OTX2: variants seen among roughly 807,000 people sequenced by gnomAD.
OTX2 encodes homeobox protein OTX2.
OTX2 carries 4 observed loss-of-function variants against 29.0 expected under a neutral mutation model. The observed-to-expected ratio is 0.14, with a 90% CI of 0.07 to 0.32. The LOEUF (loss-of-function observed/expected upper bound fraction) is 0.32. Among genes scored for constraint, OTX2 ranks in the 10% least tolerant of loss-of-function variants. The pLI, the probability that OTX2 is intolerant of heterozygous loss-of-function variation, is 1.00. For missense variants in OTX2, 298 were observed against 365.9 expected, an observed-to-expected ratio of 0.81 and a Z score of 1.51; for synonymous variants, 134 against 141.0, an observed-to-expected ratio of 0.95 and a Z score of 0.35.
In OTX2 at chr14:56,802,034, C is replaced by T; in HGVS notation, c.595G>A (p.Gly199Ser). 1.2e-6 allele frequency: 2 copies of T among 1,614,130 alleles called. No individual in the cohort carries two copies. The highest frequency in any genetic ancestry group is 1.7e-6 in the Non-Finnish European group (2 of 1,180,016). Residue 199 changes from glycine (G) to serine (S), a missense_variant, in exon 5 of 5, where the codon GGC becomes AGC. Coordinates refer to ENST00000672264, the MANE Select transcript of OTX2 (RefSeq NM_021728.4). This position sits in a 1 kb window ranked among gnomAD's most constrained non-coding sequence, Gnocchi z 4.4. ...QASGYSQGYAGSTSYFGGMDC... is the reference protein window; with the variant it reads ...QASGYSQGYASSTSYFGGMDC... ...ATGCCCCCAAAGTAGGAAGTTGAGC[C>T]AGCATATCCTTGACTATAACCTGAA...
intron 2 of OTX2, among the ~76,000 whole-genome samples, chr14:56,805,914 A>G (rs1270309519): frequency 6.6e-6 from 1 of 151,702 alleles, no homozygotes; most frequent in Non-Finnish European, 1.5e-5. Flanking sequence ...CTATCCCTAC[A>G]TTTGCATAGG....
In OTX2 at chr14:56,810,242, T is replaced by C. The variant is rs1355027027; in HGVS notation, c.-183-20A>G. On this transcript the variant is annotated intron_variant, in intron 1 of 4. Transcript: ENST00000672264. ...GCTATCCTAAAAGAAATCAAGAGTA[T>C]TGAGTTAGAAACCTTGCAGTCTTCA... is the stretch of plus-strand genomic sequence containing the variant. The C allele has an allele frequency of 6.6e-6, 1 of 152,166 alleles. No individual in the cohort carries two copies. Among genetic ancestry groups the C allele is most frequent in the Non-Finnish European group, 1.5e-5 (1 of 68,036 alleles). 9.4% of individuals were successfully genotyped at this position (152,166 alleles called of 1,614,324 possible). A position where few individuals can be genotyped will look rare whatever the true frequency, so the allele number is the denominator to read the frequency against.
At chr14:56,807,801 C>G (rs1123285) in intron 2 of OTX2, among the ~76,000 whole-genome samples, 59,425 of 152,114 alleles carry the variant, frequency 0.39, 12,052 homozygotes, top group Admixed American at 0.53. Flanking sequence ...GGGTCCAGAA[C>G]GGGGAAAAGA....
At chr14:56,807,431 T>G (rs138288362) in intron 2 of OTX2, among the ~76,000 whole-genome samples, 133 of 152,232 alleles carry the variant, frequency 8.7e-4, no homozygotes, top group African/African-American at 3.1e-3. Context: ...TAAAATCATA[T>G]CAGATGTACC....
At chr14:56,806,075 C>T (rs1445416559) in intron 2 of OTX2, among the ~76,000 whole-genome samples, 2 of 152,150 alleles carry the variant, frequency 1.3e-5, no homozygotes, top group Non-Finnish European at 2.9e-5. Context: ...TACCTCTCCC[C>T]AGACTGTTGC....
chr14:56,805,537 G>A lies in OTX2; in HGVS notation c.-81C>T, dbSNP rs1892058089. 5 of 842,826 alleles carry A rather than the reference G, an allele frequency of 5.9e-6. No individual in the cohort carries two copies. The Admixed American group carries it at 9.6e-5, about 16-fold the overall frequency. 52.2% of individuals were successfully genotyped at this position (842,826 alleles called of 1,614,324 possible). A position where few individuals can be genotyped will look rare whatever the true frequency, so the allele number is the denominator to read the frequency against. On this transcript the variant is annotated 5_prime_UTR_variant, in exon 3 of 5. Coordinates refer to ENST00000672264, the MANE Select transcript of OTX2 (RefSeq NM_021728.4). ...GATCTTGATGCGCCCGGGGTGGACA[G>A]GTTCAGAGTCCTTGGTGGGTGGGTT...
chr14:56,803,220 CA>C (rs752950371), intron 4 of OTX2, among the ~76,000 whole-genome samples: 1 of 152,222 alleles, frequency 6.6e-6, no homozygotes, highest in Non-Finnish European at 1.5e-5. Flanking sequence ...GAACTACTGG[CA>C]TTTTCTGGAG....
intron 2 of OTX2, among the ~76,000 whole-genome samples, chr14:56,806,032 T>C (rs1364446603): frequency 6.6e-6 from 1 of 152,092 alleles, no homozygotes; most frequent in Non-Finnish European, 1.5e-5. Context: ...ACAAAGCCCA[T>C]TGGTGAGAAA....
rs1048280646 is a variant in OTX2, at chr14:56,802,587, C to T, written c.274-232G>A. ...CTGTCTTATTTCTTGCCCAGAATAA[C>T]ATTTAAGATAATCCCCCAAATCATA... On this transcript the variant is annotated intron_variant, in intron 4 of 4. Coordinates refer to ENST00000672264, the MANE Select transcript of OTX2 (RefSeq NM_021728.4). The surrounding 1 kb of genome is among the most constrained non-coding windows in gnomAD (Gnocchi z 4.4). 2.6e-5 allele frequency among the ~76,000 whole-genome samples: 4 copies of T among 152,180 alleles called. No homozygotes were observed. In the South Asian group the frequency reaches 6.2e-4, roughly 24 times the overall value.
At chr14:56,803,169 A>G (rs1891954540) in intron 4 of OTX2, among the ~76,000 whole-genome samples, 1 of 152,220 alleles carries the variant, frequency 6.6e-6, no homozygotes, top group African/African-American at 2.4e-5. Flanking sequence ...ATGTTCTGCA[A>G]TGAAGGAGCT....
In OTX2 at chr14:56,805,371, A is replaced by G; in HGVS notation, c.86T>C (p.Val29Ala). ...TSGMDLLHPS[V>A]GYPGPWASCP... is the part of the protein sequence containing the mutation. ...CAGGGCTCACTTACCCGGGTAGCCC[A>G]CGGAGGGGTGCAGCAAGTCCATACC... Residue 29 changes from valine (V) to alanine (A), a missense_variant, in exon 3 of 5, where the codon GTG (valine) becomes GCG (alanine). Val to Ala is a moderately conservative substitution (Grantham distance 64). Transcript: ENST00000672264. 6.2e-7 allele frequency: 1 copy of G among 1,612,262 alleles called. No homozygotes were observed. Among genetic ancestry groups the G allele is most frequent in the Non-Finnish European group, 8.5e-7 (1 of 1,178,338 alleles).
chr14:56,809,113 C>A (rs1320448099), intron 2 of OTX2, among the ~76,000 whole-genome samples: 1 of 152,162 alleles, frequency 6.6e-6, no homozygotes, highest in East Asian at 1.9e-4. Context: ...CGCGAGCGCG[C>A]GGGCGAGCCC....
chr14:56,809,800 C>A (rs141565651), intron 2 of OTX2, among the ~76,000 whole-genome samples: 8 of 152,222 alleles, frequency 5.3e-5, no homozygotes, highest in Non-Finnish European at 7.3e-5. Context: ...GGGGCCAAAA[C>A]GCAAAGATCG....
Position 56,800,448 on chromosome 14 carries a change from G to GGAGGGAAAAGC in OTX2, c.*1276_*1286dup, listed in dbSNP as rs1336701571. 39 of 152,044 alleles carry GGAGGGAAAAGC rather than the reference G, an allele frequency of 2.6e-4. No homozygotes were observed. Among genetic ancestry groups the GGAGGGAAAAGC allele is most frequent in the African/African-American group, 9.2e-4 (38 of 41,376 alleles). 9.4% of individuals were successfully genotyped at this position (152,044 alleles called of 1,614,324 possible). A position where few individuals can be genotyped will look rare whatever the true frequency, so the allele number is the denominator to read the frequency against. ...AAGAAATCGTTCAGGTTTGAAGTAG[G>GGAGGGAAAAGC]GAGGGAAAAGCAAGGAAAACAAGAT... On this transcript the variant is annotated 3_prime_UTR_variant, in exon 5 of 5. Coordinates refer to ENST00000672264, the MANE Select transcript of OTX2 (RefSeq NM_021728.4).
chr14:56,809,397 G>C (rs1432487845), intron 2 of OTX2, among the ~76,000 whole-genome samples: 1 of 152,182 alleles, frequency 6.6e-6, no homozygotes, highest in Non-Finnish European at 1.5e-5. Flanking sequence ...GGGTGGTTTG[G>C]ATTTTGGGGG....
intron 2 of OTX2, among the ~76,000 whole-genome samples, chr14:56,809,269 G>A (rs1283701206): frequency 6.6e-6 from 1 of 152,220 alleles, no homozygotes; most frequent in African/African-American, 2.4e-5. Context: ...GCTACGTGGG[G>A]CGGGCCGCGA....
chr14:56,804,334 G>T lies in OTX2; in HGVS notation c.127C>A (p.Pro43Thr), dbSNP rs374042850. 23 of 1,613,930 alleles carry T rather than the reference G, an allele frequency of 1.4e-5. No individual in the cohort carries two copies. Among genetic ancestry groups the T allele is most frequent in the Middle Eastern group, 3.3e-4 (2 of 6,060 alleles). ...GTCCTCTCCCGGCGCTGTTTCCGGGGGGTGGCTGCGGGACAAGAAGCCCAG... is the reference window on the plus strand; with the variant it reads ...GTCCTCTCCCGGCGCTGTTTCCGGGTGGTGGCTGCGGGACAAGAAGCCCAG... The part of the protein sequence containing the change: ...GPWASCPAAT[P>T]RKQRRERTTF... Residue 43 changes from proline to threonine, a missense_variant, in exon 4 of 5, where the codon CCC (proline) becomes ACC (threonine). This residue lies in a region of OTX2 where 50 missense variants were observed against 57.6 expected (regional missense o/e 0.87). Coordinates refer to ENST00000672264, the MANE Select transcript of OTX2 (RefSeq NM_021728.4). The surrounding 1 kb of genome is among the most constrained non-coding windows in gnomAD (Gnocchi z 4.1).
At chr14:56,809,270 CG>C (rs1399250259) in intron 2 of OTX2, among the ~76,000 whole-genome samples, 2 of 152,186 alleles carry the variant, frequency 1.3e-5, no homozygotes, top group African/African-American at 4.8e-5. Context: ...CTACGTGGGG[CG>C]GGCCGCGACC....
chr14:56,800,261 G>A lies in OTX2; in HGVS notation c.*1474C>T, dbSNP rs1027723528. On this transcript the variant is annotated 3_prime_UTR_variant, in exon 5 of 5. Coordinates refer to ENST00000672264, the MANE Select transcript of OTX2 (RefSeq NM_021728.4). ...AGATTCTGATTACACTCCCTCTCAT[G>A]TTTACCTCAGTTTTTGGAAGTTAAA... is the stretch of plus-strand genomic sequence containing the variant. 7 of 131,166 alleles carry A rather than the reference G, an allele frequency of 5.3e-5. No individual in the cohort carries two copies. Among genetic ancestry groups the A allele is most frequent in the African/African-American group, 1.9e-4 (7 of 36,966 alleles). The allele number at this position is 131,166 out of a possible 1,614,324, so 8.1% of individuals were successfully genotyped here.
Sources: allele counts gnomAD v4.1 joint callset (sites outside exome capture counted in the v4.1 genomes callset), GRCh38; gene constraint gnomAD v4.1.1; regional missense constraint gnomAD v4.1.1; non-coding constraint Gnocchi (gnomAD v3.1); transcripts MANE v1.5; gene names NCBI Gene and HGNC (gene_info 2026-07-23, HGNC 2026-07-21).